Variants in GRK1 observed in about 807,000 individuals in gnomAD.
GRK1 encodes the protein G protein-coupled receptor kinase 1, also known as rhodopsin kinase GRK1.
Under a neutral mutation model 41.7 loss-of-function variants are expected in GRK1, and 28 were observed. The ratio of observed to expected loss-of-function variants is 0.67; its 90% confidence interval spans 0.50 to 0.92. The LOEUF (loss-of-function observed/expected upper bound fraction) is 0.92, where lower values mean the gene tolerates loss of function less well. Among genes scored for constraint, GRK1 ranks in the 40% least tolerant of loss-of-function variants. The pLI is 0.00. For synonymous variants in GRK1, 327 were observed against 286.7 expected, an observed-to-expected ratio of 1.14 and a Z score of -1.42; for missense variants, 703 against 671.2, an observed-to-expected ratio of 1.05 and a Z score of -0.52.
chr13:113,734,267 C>G (rs1232191232), intron 6 of GRK1, among the ~76,000 whole-genome samples: 1 of 152,222 alleles, frequency 6.6e-6, no homozygotes. Context: ...GACTGCCAGA[C>G]AGGTGCCCTG....
chr13:113,649,403 C>G, the GRK1 span: 4 of 1,594,716 alleles, frequency 2.5e-6, no homozygotes, highest in Non-Finnish European at 3.4e-6. The surrounding 1 kb of genome is among the most constrained non-coding windows in gnomAD (Gnocchi z 4.7). Flanking sequence ...TTGAACTCCA[C>G]TTTCCCTTCA....
At chr13:113,728,175 T>C (rs1197434111) in intron 4 of GRK1, among the ~76,000 whole-genome samples, 2 of 100,912 alleles carry the variant, frequency 2.0e-5, no homozygotes, top group African/African-American at 9.1e-5. Context: ...GGAATACCCA[T>C]GGCGAGGAGT....
rs1566700648 is a variant in GRK1 at position 113,734,027 on chromosome 13, C to CATGT, written c.1396+942_1396+943insATGT. Among the ~76,000 whole-genome samples, 14 of 132,298 alleles carry CATGT rather than the reference C, an allele frequency of 1.1e-4. No homozygotes were observed. In the South Asian group the frequency reaches 1.7e-3, roughly 16 times the overall value. 86.8% of individuals were successfully genotyped at this position (132,298 alleles called of 152,430 possible). ...GCGTGTGCGTGCATGTGTGTGCGTG[C>CATGT]GTGTGCGTATGTGTGTGTGCATACG... On this transcript the variant is annotated intron_variant, in intron 6 of 6. Coordinates refer to ENST00000335678, the MANE Select transcript of GRK1 (RefSeq NM_002929.3).
Position 113,671,431 on chromosome 13 carries a change from C to A in GRK1, c.828-68C>A. 1 of 768,018 alleles carries A rather than the reference C, an allele frequency of 1.3e-6. No individual in the cohort carries two copies. Among genetic ancestry groups the A allele is most frequent in the Non-Finnish European group, 2.4e-6 (1 of 415,942 alleles). 47.6% of individuals were successfully genotyped at this position (768,018 alleles called of 1,614,324 possible). On this transcript the variant is annotated intron_variant, in intron 2 of 6. Transcript: ENST00000335678. The surrounding 1 kb of genome is among the most constrained non-coding windows in gnomAD (Gnocchi z 4.1). ...GAGAGACATGGTTCTGAGGCCCCAG[C>A]TCTGTCTTTCCATGATTTTACTCCC...
rs368338427 is a variant in GRK1, at chr13:113,668,007, C to G, written c.621C>G (p.Cys207Trp). Residue 207 changes from cysteine to tryptophan, a missense_variant, in exon 1 of 7, where the codon TGC becomes TGG. Cys to Trp is a radical substitution (Grantham distance 215, BLOSUM62 -2). Transcript: ENST00000335678. ...GKGGFGEVSACQMKATGKLYA... is the reference protein window; with the variant it reads ...GKGGFGEVSAWQMKATGKLYA... ...GGGGCTTCGGGGAGGTGTCGGCCTGCCAGATGAAGGCGACCGGCAAGCTGT... is the reference window on the plus strand; with the variant it reads ...GGGGCTTCGGGGAGGTGTCGGCCTGGCAGATGAAGGCGACCGGCAAGCTGT... The G allele has an allele frequency of 8.4e-5, 136 of 1,611,320 alleles. No individual in the cohort carries two copies. The highest frequency in any genetic ancestry group is 1.1e-4 in the Non-Finnish European group (133 of 1,178,960).
chr13:113,657,596 C>T, the GRK1 span, among the ~76,000 whole-genome samples: 2 of 152,254 alleles, frequency 1.3e-5, no homozygotes, highest in African/African-American at 2.4e-5. Context: ...ATCTGGACGC[C>T]AGCGGGTGTC....
chr13:113,730,378 G>T (rs536692763), intron 4 of GRK1, among the ~76,000 whole-genome samples: 16 of 146,820 alleles, frequency 1.1e-4, no homozygotes, highest in Non-Finnish European at 6.0e-5. Flanking sequence ...GACAGTCCCC[G>T]CGGCTGAGCC....
intron 1 of GRK1, 110 bp downstream of exon 1, chr13:113,668,195 G>A (rs1228107461): frequency 1.1e-5 from 13 of 1,157,276 alleles, no homozygotes; most frequent in African/African-American, 1.5e-5. Flanking sequence ...CTTAACAGCT[G>A]GTGCCTAAGG....
chr13:113,660,260 G>A, the GRK1 span, among the ~76,000 whole-genome samples: 2,269 of 152,260 alleles, frequency 0.015, 62 homozygotes, highest in African/African-American at 0.052. Flanking sequence ...ACACAACGTA[G>A]TAGAAAGTTA....
At chr13:113,672,285 G>GTCTGTGTGTGCGGTGTGTA (rs2049862752) in intron 3 of GRK1, among the ~76,000 whole-genome samples, 1 of 151,260 alleles carries the variant, frequency 6.6e-6, no homozygotes, top group African/African-American at 2.4e-5. Flanking sequence ...TGCGGTGTGT[G>GTCTGTGTGTGCGGTGTGTA]TAAGTCTGAC....
chr13:113,663,452 C>G (rs1278136164), upstream of GRK1, among the ~76,000 whole-genome samples: 1 of 152,156 alleles, frequency 6.6e-6, no homozygotes, highest in Non-Finnish European at 1.5e-5. Flanking sequence ...AAAGCACAAT[C>G]TATAATATTT....
chr13:113,723,138 G>A lies in GRK1; in HGVS notation c.1050G>A (p.Lys350=), dbSNP rs141488419. The change falls in exon 4 of 7, where the codon AAG becomes AAA. Residue 350 remains lysine, a synonymous_variant. Transcript: ENST00000335678. ...VELLDGQSKT[K]GYAGTPGFMA... is the part of the protein sequence containing the mutation. ...TGCTGGACGGACAGAGCAAGACCAA[G>A]GGCTACGCAGGGACCCCAGGTAAGG... is the stretch of plus-strand genomic sequence containing the variant. 3.3e-4 allele frequency: 228 copies of A among 700,196 alleles called. 4 individuals carry two copies. The African/African-American group carries it at 3.7e-3, about 11-fold the overall frequency. 43.4% of individuals were successfully genotyped at this position (700,196 alleles called of 1,614,324 possible).
At chr13:113,669,842 G>C in intron 2 of GRK1, 28 bp downstream of exon 2, 9 of 1,612,132 alleles carry the variant, frequency 5.6e-6, no homozygotes, top group Non-Finnish European at 7.6e-6. Context: ...GGGCACGAGG[G>C]GGCCCCGCTG....
chr13:113,661,273 A>G, the GRK1 span, among the ~76,000 whole-genome samples: 1 of 152,186 alleles, frequency 6.6e-6, no homozygotes, highest in Non-Finnish European at 1.5e-5. Flanking sequence ...GTTTCAAGGG[A>G]AATTTAAAAA....
chr13:113,663,086 C>T (rs2049799459), upstream of GRK1, among the ~76,000 whole-genome samples: 2 of 152,074 alleles, frequency 1.3e-5, no homozygotes, highest in African/African-American at 4.8e-5. Flanking sequence ...TACCCAATTT[C>T]AAAGCTTATT....
chr13:113,658,310 G>A, the GRK1 span: 99 of 660,936 alleles, frequency 1.5e-4, no homozygotes, highest in African/African-American at 9.1e-4. Context: ...GCCGGCCATC[G>A]CCTCACCAAA....
intron 4 of GRK1, among the ~76,000 whole-genome samples, chr13:113,730,135 G>A (rs1253671391): frequency 1.0e-5 from 1 of 99,474 alleles, no homozygotes; most frequent in African/African-American, 4.4e-5. Flanking sequence ...CAGTCCCCGC[G>A]GCTGCACCCA....
At chr13:113,672,195 GTGTGTGTGT>G (rs2049862004) in intron 3 of GRK1, among the ~76,000 whole-genome samples, 1 of 151,912 alleles carries the variant, frequency 6.6e-6, no homozygotes, top group Admixed American at 6.6e-5. Context: ...TGTGGGGTGT[GTGTGTGTGT>G]TGTGTGTGGT....
chr13:113,730,242 A>C (rs1209001138), intron 4 of GRK1, among the ~76,000 whole-genome samples: 3 of 53,316 alleles, frequency 5.6e-5, no homozygotes, highest in Non-Finnish European at 1.1e-4. Context: ...CCCGTGGCTG[A>C]GCCCAGACCC....
Sources: allele counts gnomAD v4.1 joint callset (sites outside exome capture counted in the v4.1 genomes callset), GRCh38; gene constraint gnomAD v4.1.1; non-coding constraint Gnocchi (gnomAD v3.1); transcripts MANE v1.5; gene names NCBI Gene and HGNC (gene_info 2026-07-23, HGNC 2026-07-21).